GPC5: variants seen among roughly 807,000 people sequenced by gnomAD.
GPC5 encodes the protein glypican-5.
Under a neutral mutation model 53.9 loss-of-function variants are expected in GPC5, and 47 were observed. The ratio of observed to expected loss-of-function variants is 0.87; its 90% CI spans 0.69 to 1.11. The LOEUF is 1.11. Among genes scored for constraint, GPC5 ranks in the 50% most tolerant of loss-of-function variants. The pLI is 0.00. For missense variants in GPC5, 748 were observed against 713.1 expected, an observed-to-expected ratio of 1.05 and a Z score of -0.56; for synonymous variants, 286 against 263.3, an observed-to-expected ratio of 1.09 and a Z score of -0.84.
chr13:92,640,350 C>G (rs1184784119), intron 7 of GPC5, among the ~76,000 whole-genome samples: 1 of 152,058 alleles, frequency 6.6e-6, no homozygotes, highest in East Asian at 1.9e-4. Context: ...AGCTCCACCT[C>G]CCGGGTTCAC....
rs112081852 is a variant in GPC5, at chr13:92,635,101, A to T, written c.1562-231181A>T. Among the ~76,000 whole-genome samples the T allele has an allele frequency of 3.0e-3, 456 of 152,194 alleles. 3 individuals are homozygous for T. Among genetic ancestry groups the T allele is most frequent in the African/African-American group, 0.01 (428 of 41,556 alleles). On this transcript the variant is annotated intron_variant, in intron 7 of 7. Transcript: ENST00000377067. The stretch of plus-strand genomic sequence containing the variant: ...TCTTATAATTATTTTATTCACAGAT[A>T]AACCTTTTATCTGATGTTTTCTGTT...
At chr13:91,573,456 T>C (rs770751447) in intron 2 of GPC5, among the ~76,000 whole-genome samples, 1 of 152,200 alleles carries the variant, frequency 6.6e-6, no homozygotes, top group Non-Finnish European at 1.5e-5. Flanking sequence ...ATCCTATGCG[T>C]ATTACAAAGT....
chr13:91,800,902 G>T (rs2038124471), intron 5 of GPC5, among the ~76,000 whole-genome samples: 1 of 151,692 alleles, frequency 6.6e-6, no homozygotes, highest in East Asian at 1.9e-4. Flanking sequence ...ATAAATGGCT[G>T]GTGTATCTTG....
chr13:92,494,241 C>T (rs1396605838), intron 7 of GPC5, among the ~76,000 whole-genome samples: 1 of 152,194 alleles, frequency 6.6e-6, no homozygotes, highest in Non-Finnish European at 1.5e-5. Context: ...AGGCGCCCGC[C>T]ACTACGCCCG....
intron 6 of GPC5, among the ~76,000 whole-genome samples, chr13:92,119,101 G>A (rs967849802): frequency 1.3e-5 from 2 of 152,152 alleles, no homozygotes; most frequent in African/African-American, 4.8e-5. Context: ...GGCTGGGGAG[G>A]CCTCACAATC....
intron 7 of GPC5, among the ~76,000 whole-genome samples, chr13:92,649,918 C>T (rs1885898935): frequency 6.6e-6 from 1 of 152,068 alleles, no homozygotes; most frequent in Admixed American, 6.6e-5. Context: ...CTAGGCTAGG[C>T]AAGTCCATTG....
chr13:92,268,524 T>C (rs901835364), intron 7 of GPC5, among the ~76,000 whole-genome samples: 3 of 152,058 alleles, frequency 2.0e-5, no homozygotes, highest in African/African-American at 7.2e-5. Context: ...CTGGTGGAGA[T>C]GTTTATAATA....
At chr13:92,055,057 A>T (rs983111045) in intron 6 of GPC5, among the ~76,000 whole-genome samples, 2 of 152,224 alleles carry the variant, frequency 1.3e-5, no homozygotes, top group African/African-American at 4.8e-5. Context: ...TATTCTAAAT[A>T]ACAGCACTAT....
chr13:92,721,026 G>T (rs1247399721), intron 7 of GPC5, among the ~76,000 whole-genome samples: 2 of 152,016 alleles, frequency 1.3e-5, no homozygotes, highest in African/African-American at 4.8e-5. Context: ...CCAGAGTACT[G>T]TGGAGATGGA....
intron 2 of GPC5, among the ~76,000 whole-genome samples, chr13:91,605,273 G>T (rs1039488621): frequency 6.8e-6 from 1 of 147,784 alleles, no homozygotes; most frequent in Non-Finnish European, 1.5e-5. Flanking sequence ...TAGAGATGCG[G>T]CGTTATTTCT....
At chr13:91,844,020 A>G (rs1005936855) in intron 5 of GPC5, among the ~76,000 whole-genome samples, 1 of 152,168 alleles carries the variant, frequency 6.6e-6, no homozygotes, top group Admixed American at 6.5e-5. Flanking sequence ...AAAATAATGT[A>G]TATTTGAGAG....
At chr13:91,608,664 A>G (rs544515551) in intron 2 of GPC5, among the ~76,000 whole-genome samples, 263 of 152,256 alleles carry the variant, frequency 1.7e-3, no homozygotes, top group African/African-American at 5.5e-3. Context: ...AAATACCTAC[A>G]GCTATCTAGG....
At chr13:92,697,529 T>A (rs1887594092) in intron 7 of GPC5, among the ~76,000 whole-genome samples, 1 of 152,214 alleles carries the variant, frequency 6.6e-6, no homozygotes, top group African/African-American at 2.4e-5. Flanking sequence ...GCTTGTGATT[T>A]TTGCACATTG....
chr13:92,702,420 G>T (rs1409673549), intron 7 of GPC5, among the ~76,000 whole-genome samples: 1 of 151,918 alleles, frequency 6.6e-6, no homozygotes, highest in Non-Finnish European at 1.5e-5. Context: ...CCTCCCCAAA[G>T]CTCTGCTTTA....
At chr13:92,362,457 C>T (rs760926969) in intron 7 of GPC5, among the ~76,000 whole-genome samples, 8 of 151,734 alleles carry the variant, frequency 5.3e-5, no homozygotes, top group Non-Finnish European at 1.0e-4. Flanking sequence ...CAGTCTCCAA[C>T]AAGGGAGGCA....
chr13:92,513,229 A>G (rs910867761), intron 7 of GPC5, among the ~76,000 whole-genome samples: 2 of 152,204 alleles, frequency 1.3e-5, no homozygotes, highest in African/African-American at 4.8e-5. Flanking sequence ...GGCTTTTTCC[A>G]TATTGGACCT....
At chr13:91,562,337 C>A (rs111888400) in intron 2 of GPC5, among the ~76,000 whole-genome samples, 1 of 151,920 alleles carries the variant, frequency 6.6e-6, no homozygotes, top group Non-Finnish European at 1.5e-5. Context: ...ATTCATTCAA[C>A]GATGTGTGTG....
chr13:91,713,737 CTTTAG>C (rs1038581050), intron 3 of GPC5, among the ~76,000 whole-genome samples: 1 of 152,164 alleles, frequency 6.6e-6, no homozygotes, highest in African/African-American at 2.4e-5. Flanking sequence ...CCTGGTTACT[CTTTAG>C]TACATCCACT....
At chr13:91,623,610 A>C (rs1267331331) in intron 2 of GPC5, among the ~76,000 whole-genome samples, 1 of 152,142 alleles carries the variant, frequency 6.6e-6, no homozygotes, top group African/African-American at 2.4e-5. Context: ...CATAACAGGC[A>C]GTCTCTAAAT....
Sources: allele counts gnomAD v4.1 joint callset (sites outside exome capture counted in the v4.1 genomes callset), GRCh38; gene constraint gnomAD v4.1.1; transcripts MANE v1.5; gene names NCBI Gene and HGNC (gene_info 2026-07-23, HGNC 2026-07-21).